Variants in KCNMB2 observed in about 807,000 individuals in gnomAD.
KCNMB2 encodes potassium calcium-activated channel subfamily M regulatory beta subunit 2, also known as calcium-activated potassium channel subunit beta-2.
In KCNMB2, 9 loss-of-function variants were observed where a neutral mutation model predicts 24.5. The observed-to-expected ratio is 0.37, with a 90% CI of 0.22 to 0.64. KCNMB2 has a LOEUF of 0.64. KCNMB2 is among the 30% of genes least tolerant of loss of function. The probability of loss-of-function intolerance (pLI) is 0.63; values close to 1 mark genes in which losing one functional copy is unlikely to be tolerated. For synonymous variants in KCNMB2, 109 were observed against 104.4 expected (o/e 1.04, Z -0.27); for missense variants, 226 against 284.3 (o/e 0.79, Z 1.47).
At chr3:178,776,149 A>T (rs4284959) in intron 1 of KCNMB2, among the ~76,000 whole-genome samples, 21,392 of 151,318 alleles carry the variant, frequency 0.14, 1,831 homozygotes, top group Admixed American at 0.18. Context: ...TTCCCCAACA[A>T]CTCCATCCAC....
intron 1 of KCNMB2, among the ~76,000 whole-genome samples, chr3:178,618,798 T>C (rs1718805459): frequency 6.6e-6 from 1 of 152,214 alleles, no homozygotes; most frequent in African/African-American, 2.4e-5. Context: ...TAAAAAGTAA[T>C]GTGAATTGGG....
intron 1 of KCNMB2, among the ~76,000 whole-genome samples, chr3:178,692,104 G>C (rs1453762920): frequency 6.6e-6 from 1 of 151,868 alleles, no homozygotes; most frequent in Non-Finnish European, 1.5e-5. Context: ...TTTTTTTCTT[G>C]TAAATTTGTT....
intron 1 of KCNMB2, among the ~76,000 whole-genome samples, chr3:178,660,661 A>G (rs1280252573): frequency 6.6e-6 from 1 of 152,186 alleles, no homozygotes; most frequent in Non-Finnish European, 1.5e-5. Flanking sequence ...AGGGAATCCA[A>G]GAGTTGGTTT....
chr3:178,600,060 T>C (rs1419601324), intron 1 of KCNMB2, among the ~76,000 whole-genome samples: 1 of 152,100 alleles, frequency 6.6e-6, no homozygotes, highest in African/African-American at 2.4e-5. Flanking sequence ...GTATTTTTAG[T>C]AGAGAAGGGG....
At chr3:178,540,886 G>T (rs574946441) in intron 1 of KCNMB2, among the ~76,000 whole-genome samples, 1 of 152,148 alleles carries the variant, frequency 6.6e-6, no homozygotes. Context: ...CTCTATGAAA[G>T]CAGGAATTTT....
chr3:178,663,064 T>C (rs1346824322), intron 1 of KCNMB2, among the ~76,000 whole-genome samples: 1 of 152,178 alleles, frequency 6.6e-6, no homozygotes, highest in Non-Finnish European at 1.5e-5. Flanking sequence ...CTAGGCTTAC[T>C]TATTCTGTGG....
At chr3:178,724,082 AC>A (rs1181373118) in intron 1 of KCNMB2, among the ~76,000 whole-genome samples, 63 of 152,180 alleles carry the variant, frequency 4.1e-4, no homozygotes, top group Non-Finnish European at 5.7e-4. Flanking sequence ...CAGGGGCTGA[AC>A]TAATTTGCAT....
rs539144722 is a variant in KCNMB2, at chr3:178,625,085, T to G, written c.-68+88374T>G. On this transcript the variant is annotated intron_variant, in intron 1 of 4. Coordinates refer to ENST00000452583, the MANE Select transcript of KCNMB2 (RefSeq NM_181361.3). Reference sequence around the variant, plus strand: ...ACAACCTTGTCTTTGGCTCTCCTGGTGAGGGGTTTCCTCCCTTGCACCCTC... The same window carrying G: ...ACAACCTTGTCTTTGGCTCTCCTGGGGAGGGGTTTCCTCCCTTGCACCCTC... 6.6e-5 allele frequency among the ~76,000 whole-genome samples: 10 copies of G among 152,072 alleles called. No individual in the cohort carries two copies. The South Asian group carries it at 2.1e-3, about 32-fold the overall frequency.
In KCNMB2 at chr3:178,842,811, C is replaced by T. The variant is rs201919078; in HGVS notation, c.582C>T (p.Asn194=). Residue 194 remains asparagine (N), a synonymous_variant, in exon 5 of 5, where the codon AAC becomes AAT. Coordinates refer to ENST00000452583, the MANE Select transcript of KCNMB2 (RefSeq NM_181361.3). ...TCCTAACAAAACTCTACAGTTCCAA[C>T]GTGCTGTTCCATTCACTCTTCTGGC... is the stretch of plus-strand genomic sequence containing the variant. The part of the protein sequence containing the change: ...SVILTKLYSS[N]VLFHSLFWPT... 3.0e-5 allele frequency: 49 copies of T among 1,613,992 alleles called. No homozygotes were observed. The highest frequency in any genetic ancestry group is 1.3e-5 in the African/African-American group (1 of 75,050).
At chr3:178,722,662 A>G (rs1722846174) in intron 1 of KCNMB2, among the ~76,000 whole-genome samples, 1 of 152,070 alleles carries the variant, frequency 6.6e-6, no homozygotes, top group African/African-American at 2.4e-5. Flanking sequence ...GGGGACCAAG[A>G]TGGGCAGATG....
chr3:178,760,872 G>A (rs1369838488), intron 1 of KCNMB2, among the ~76,000 whole-genome samples: 2 of 151,450 alleles, frequency 1.3e-5, no homozygotes, highest in African/African-American at 2.4e-5. Context: ...AATGATTATA[G>A]AAGATATTTA....
At chr3:178,799,664 A>G (rs1713698042) in intron 1 of KCNMB2, among the ~76,000 whole-genome samples, 1 of 152,116 alleles carries the variant, frequency 6.6e-6, no homozygotes, top group Non-Finnish European at 1.5e-5. Context: ...CTCCACAGAA[A>G]TAGAAAAATG....
intron 1 of KCNMB2, among the ~76,000 whole-genome samples, chr3:178,710,101 C>T (rs1161575457): frequency 2.6e-5 from 4 of 152,036 alleles, no homozygotes; most frequent in Non-Finnish European, 5.9e-5. Flanking sequence ...CAGGTAGCCT[C>T]CAGGGACCTG....
chr3:178,833,760 C>G (rs1244227076), intron 4 of KCNMB2, among the ~76,000 whole-genome samples: 1 of 152,160 alleles, frequency 6.6e-6, no homozygotes, highest in Admixed American at 6.5e-5. Context: ...TTTACCCTCT[C>G]TCACATAGTT....
At chr3:178,550,492 C>T (rs987966670) in intron 1 of KCNMB2, among the ~76,000 whole-genome samples, 3 of 151,142 alleles carry the variant, frequency 2.0e-5, no homozygotes, top group Non-Finnish European at 4.4e-5. Flanking sequence ...AGATTTGCCC[C>T]ACGAAGGCAT....
chr3:178,671,757 AC>A (rs926713143), intron 1 of KCNMB2, among the ~76,000 whole-genome samples: 2 of 152,176 alleles, frequency 1.3e-5, no homozygotes, highest in Non-Finnish European at 2.9e-5. Context: ...CCTTAAGTGC[AC>A]TTTTCTGAAA....
At chr3:178,686,842 A>T (rs1404682553) in intron 1 of KCNMB2, among the ~76,000 whole-genome samples, 1 of 152,162 alleles carries the variant, frequency 6.6e-6, no homozygotes, top group Non-Finnish European at 1.5e-5. Context: ...AACTGTCTCT[A>T]CTTAATTCAG....
chr3:178,731,847 G>A (rs1723161764), intron 1 of KCNMB2, among the ~76,000 whole-genome samples: 1 of 152,336 alleles, frequency 6.6e-6, no homozygotes, highest in South Asian at 2.1e-4. Flanking sequence ...AGTTTGCAGT[G>A]AGCCTAGGTT....
intron 2 of KCNMB2, among the ~76,000 whole-genome samples, chr3:178,819,538 C>T (rs1220717571): frequency 1.3e-5 from 2 of 151,912 alleles, no homozygotes; most frequent in Non-Finnish European, 2.9e-5. Flanking sequence ...CCATGCCCTC[C>T]TGCTTCCTCT....
Sources: gnomAD v4.1 joint callset for allele counts (sites outside exome capture counted in the v4.1 genomes callset) on GRCh38, gnomAD v4.1.1 for gene constraint, MANE v1.5 for transcripts, NCBI Gene and HGNC (gene_info 2026-07-23, HGNC 2026-07-21) for gene names.